The following PDZRN3 variants were observed in gnomAD, a reference collection of about 807,000 sequenced individuals.
PDZRN3 encodes E3 ubiquitin-protein ligase PDZRN3.
Under a neutral mutation model 85.7 loss-of-function variants are expected in PDZRN3, and 38 were observed. The ratio of observed to expected loss-of-function variants is 0.44; its 90% CI spans 0.34 to 0.58. The LOEUF (loss-of-function observed/expected upper bound fraction) is 0.58. PDZRN3 is among the 20% of genes least tolerant of loss of function. The probability of loss-of-function intolerance (pLI) is 0.01; values close to 1 mark genes in which losing one functional copy is unlikely to be tolerated. For missense variants in PDZRN3, 1,629 were observed against 1,506.4 expected, an observed-to-expected ratio of 1.08 and a Z score of -1.35; for synonymous variants, 759 against 638.0, an observed-to-expected ratio of 1.19 and a Z score of -2.86.
At chr3:73,589,050 T>C (rs1192995509) in intron 3 of PDZRN3, among the ~76,000 whole-genome samples, 2 of 17,412 alleles carry the variant, frequency 1.1e-4, no homozygotes, top group Non-Finnish European at 2.1e-4. Context: ...GAAGATATGA[T>C]TTTTTTTTTT....
At position 73,564,237 on chromosome 3, in the gene PDZRN3, G is replaced by C. The variant is rs547366855; in HGVS notation, c.918+38117C>G. On this transcript the variant is annotated intron_variant, in intron 3 of 9. Coordinates refer to ENST00000263666, the MANE Select transcript of PDZRN3 (RefSeq NM_015009.3). ...GTCTTCCCATGTGAAAAATGTGTCT[G>C]ATAATCCTGGGAGCCATGTACCTAC... Among the ~76,000 whole-genome samples the C allele has an allele frequency of 1.1e-3, 163 of 152,280 alleles. 1 individual carries two copies. Among genetic ancestry groups the C allele is most frequent in the Non-Finnish European group, 1.8e-3 (123 of 68,020 alleles).
intron 1 of PDZRN3, among the ~76,000 whole-genome samples, chr3:73,622,370 A>C (rs116330059): frequency 0.015 from 2,309 of 152,306 alleles, 20 homozygotes; most frequent in Non-Finnish European, 0.024. Flanking sequence ...AAGCAGACAC[A>C]GGCCCTTGGG....
intron 3 of PDZRN3, among the ~76,000 whole-genome samples, chr3:73,519,721 A>G (rs1168979531): frequency 6.6e-6 from 1 of 152,172 alleles, no homozygotes; most frequent in Non-Finnish European, 1.5e-5. Flanking sequence ...TGGTTCTCAA[A>G]GTGTGTTCCC....
intron 3 of PDZRN3, among the ~76,000 whole-genome samples, chr3:73,467,971 A>G (rs1703253629): frequency 6.6e-6 from 1 of 152,190 alleles, no homozygotes; most frequent in South Asian, 2.1e-4. Flanking sequence ...GCTGTCATTT[A>G]TTGGATAAAG....
At chr3:73,568,957 A>G (rs543189419) in intron 3 of PDZRN3, among the ~76,000 whole-genome samples, 5 of 152,308 alleles carry the variant, frequency 3.3e-5, no homozygotes, top group African/African-American at 1.2e-4. Context: ...GATAACTGAA[A>G]TGATAGAGCC....
In PDZRN3 at chr3:73,402,083, C is replaced by T. The variant is rs928240241; in HGVS notation, c.1167-1074G>A. Among the ~76,000 whole-genome samples, 3 of 152,226 alleles carry T rather than the reference C, an allele frequency of 2.0e-5. No individual in the cohort carries two copies. In the South Asian group the frequency reaches 6.2e-4, roughly 32 times the overall value. ...AAGCATCAACTTAACATTCCCCATT[C>T]AGTCCCGACACACGCTCTTGCTGTT... On this transcript the variant is annotated intron_variant, in intron 4 of 9. Transcript: ENST00000263666.
At chr3:73,526,323 T>C (rs1210996317) in intron 3 of PDZRN3, among the ~76,000 whole-genome samples, 3 of 152,176 alleles carry the variant, frequency 2.0e-5, no homozygotes, top group Admixed American at 1.3e-4. Flanking sequence ...TTTACTTGTA[T>C]ATTCATAATT....
intron 3 of PDZRN3, among the ~76,000 whole-genome samples, chr3:73,529,764 T>C (rs1359810627): frequency 1.3e-5 from 2 of 152,214 alleles, no homozygotes; most frequent in Admixed American, 6.5e-5. Flanking sequence ...ATTAATTCCC[T>C]CAAACAAACC....
At chr3:73,616,640 T>C (rs1438985240) in intron 1 of PDZRN3, among the ~76,000 whole-genome samples, 1 of 152,236 alleles carries the variant, frequency 6.6e-6, no homozygotes, top group Non-Finnish European at 1.5e-5. Context: ...TCTTTTCTTC[T>C]AGATAACAAC....
intron 4 of PDZRN3, among the ~76,000 whole-genome samples, chr3:73,402,875 C>G (rs1388288480): frequency 6.6e-6 from 1 of 151,446 alleles, no homozygotes; most frequent in Non-Finnish European, 1.5e-5. Flanking sequence ...TGAGAAAACA[C>G]AGGGGCGACC....
chr3:73,518,081 C>A (rs762495421), intron 3 of PDZRN3, among the ~76,000 whole-genome samples: 7 of 152,186 alleles, frequency 4.6e-5, no homozygotes, highest in Non-Finnish European at 1.0e-4. Context: ...GTGTTATTCA[C>A]AATAGCCAAA....
chr3:73,593,709 TAC>T (rs57922621), intron 3 of PDZRN3, among the ~76,000 whole-genome samples: 8,561 of 141,756 alleles, frequency 0.06, 285 homozygotes, highest in East Asian at 0.095. Context: ...GAAATAAATA[TAC>T]ACACACACAC....
At chr3:73,388,930 CAAAAAAAA>C (rs10675308) in intron 7 of PDZRN3, among the ~76,000 whole-genome samples, 32 of 67,686 alleles carry the variant, frequency 4.7e-4, no homozygotes, top group African/African-American at 7.9e-4. Context: ...CTCCAGCAAT[CAAAAAAAA>C]AAAAAAAAAA....
intron 3 of PDZRN3, among the ~76,000 whole-genome samples, chr3:73,551,383 T>G (rs1474602561): frequency 6.6e-6 from 1 of 152,134 alleles, no homozygotes; most frequent in Admixed American, 6.5e-5. Flanking sequence ...TCCTTTTGCA[T>G]CATTTGAAAC....
chr3:73,615,409 C>T (rs1702746619), intron 1 of PDZRN3, among the ~76,000 whole-genome samples: 1 of 152,186 alleles, frequency 6.6e-6, no homozygotes, highest in South Asian at 2.1e-4. Context: ...CTTAACACTT[C>T]CACTTACTTA....
chr3:73,601,580 C>T (rs1386072425), intron 3 of PDZRN3, among the ~76,000 whole-genome samples: 1 of 152,112 alleles, frequency 6.6e-6, no homozygotes, highest in Admixed American at 6.6e-5. Flanking sequence ...ATGGTCAAAA[C>T]ACCAGTAAAA....
At chr3:73,407,361 T>C (rs1377767044) in intron 3 of PDZRN3, among the ~76,000 whole-genome samples, 2 of 152,148 alleles carry the variant, frequency 1.3e-5, no homozygotes, top group Non-Finnish European at 2.9e-5. Flanking sequence ...AATGAGAGAA[T>C]TGTGGTCCTA....
chr3:73,415,938 T>C (rs1393713933), intron 3 of PDZRN3, among the ~76,000 whole-genome samples: 4 of 146,874 alleles, frequency 2.7e-5, no homozygotes, highest in Non-Finnish European at 5.9e-5. Flanking sequence ...GTGTGTCACA[T>C]ACTGGACATT....
At chr3:73,478,340 G>A (rs190360712) in intron 3 of PDZRN3, among the ~76,000 whole-genome samples, 1 of 152,126 alleles carries the variant, frequency 6.6e-6, no homozygotes, top group Non-Finnish European at 1.5e-5. Context: ...AGCGACATTA[G>A]ATTTTCATAG....
Sources: allele counts gnomAD v4.1 joint callset (sites outside exome capture counted in the v4.1 genomes callset), GRCh38; gene constraint gnomAD v4.1.1; transcripts MANE v1.5; gene names NCBI Gene and HGNC (gene_info 2026-07-23, HGNC 2026-07-21).